PDCD1LG2: variants seen among roughly 807,000 people sequenced by gnomAD.
The protein encoded by PDCD1LG2 is B7 dendritic cell molecule.
Under a neutral mutation model 28.2 loss-of-function variants are expected in PDCD1LG2, and 32 were observed. The ratio of observed to expected loss-of-function variants is 1.13; its 90% CI spans 0.86 to 1.52. PDCD1LG2 has a LOEUF of 1.52. Ranked by LOEUF, PDCD1LG2 falls within the 40% of genes most tolerant of loss-of-function variation. The pLI is 0.00. For synonymous variants in PDCD1LG2, 116 were observed against 120.2 expected (o/e 0.97, Z 0.23); for missense variants, 385 against 323.8 (o/e 1.19, Z -1.45).
chr9:5,515,846 C>A (rs904807414), intron 1 of PDCD1LG2, among the ~76,000 whole-genome samples: 10 of 133,716 alleles, frequency 7.5e-5, no homozygotes, highest in African/African-American at 2.8e-4. Flanking sequence ...TCACTTGAAC[C>A]CGGGAGGCGG....
chr9:5,528,298 A>T lies in PDCD1LG2; in HGVS notation c.55+5697A>T, dbSNP rs1820417551. On this transcript the variant is annotated intron_variant, in intron 2 of 6. Coordinates refer to ENST00000397747, the MANE Select transcript of PDCD1LG2 (RefSeq NM_025239.4). ...ATTTTATATATATATACACACACAC[A>T]CACATATTTTTTTCTTTTTTTGAGA... Among the ~76,000 whole-genome samples the T allele has an allele frequency of 4.7e-5, 7 of 148,796 alleles. 1 individual carries two copies. The South Asian group carries it at 1.5e-3, about 31-fold the overall frequency.
intron 2 of PDCD1LG2, among the ~76,000 whole-genome samples, chr9:5,524,860 C>T (rs1246550520): frequency 6.6e-6 from 1 of 152,020 alleles, no homozygotes; most frequent in Non-Finnish European, 1.5e-5. Context: ...AATCAGACTG[C>T]AACACTCAGT....
intron 2 of PDCD1LG2, among the ~76,000 whole-genome samples, chr9:5,523,079 G>C (rs1820307768): frequency 2.0e-5 from 3 of 152,178 alleles, no homozygotes; most frequent in Admixed American, 1.3e-4. Context: ...AGCAACAATA[G>C]CAGCCGTTGG....
rs1820551681 is a variant in PDCD1LG2 at position 5,534,932 on chromosome 9, C to T, written c.243C>T (p.Pro81=). ...CCACTTTGCTGGAGGAGCAGCTGCC[C>T]CTAGGGAAGGCCTCGTTCCACATAC... ...ERATLLEEQL[P]LGKASFHIPQ... The change falls in exon 3 of 7, where the codon CCC becomes CCT. Residue 81 remains proline (P), a synonymous_variant. Coordinates refer to ENST00000397747, the MANE Select transcript of PDCD1LG2 (RefSeq NM_025239.4). 2 of 1,614,074 alleles carry T rather than the reference C, an allele frequency of 1.2e-6. No homozygotes were observed. The highest frequency in any genetic ancestry group is 1.7e-6 in the Non-Finnish European group (2 of 1,180,002).
intron 3 of PDCD1LG2, among the ~76,000 whole-genome samples, chr9:5,541,208 T>C (rs776654520): frequency 1.3e-5 from 2 of 152,146 alleles, no homozygotes; most frequent in Admixed American, 1.3e-4. Context: ...AGAAGGAACA[T>C]ATCTTAAGGT....
At chr9:5,519,899 C>G (rs931674304) in intron 1 of PDCD1LG2, among the ~76,000 whole-genome samples, 4 of 152,174 alleles carry the variant, frequency 2.6e-5, no homozygotes, top group African/African-American at 9.7e-5. Flanking sequence ...TCTAGCCTGT[C>G]AGCAGTTCCC....
chr9:5,522,612 A>G lies in PDCD1LG2; in HGVS notation c.55+11A>G, dbSNP rs1820296978. 2 of 1,612,622 alleles carry G rather than the reference A, an allele frequency of 1.2e-6. No individual in the cohort carries two copies. The highest frequency in any genetic ancestry group is 1.7e-4 in the Middle Eastern group (1 of 6,056). On this transcript the variant is annotated intron_variant, in intron 2 of 6. Transcript: ENST00000397747. ...TTCACCAGATAGCAGGTAAGAAAGGACAAAGGGAGAGGCTTAAGAAAGAAG... is the reference window on the plus strand; with the variant it reads ...TTCACCAGATAGCAGGTAAGAAAGGGCAAAGGGAGAGGCTTAAGAAAGAAG...
intron 4 of PDCD1LG2, among the ~76,000 whole-genome samples, chr9:5,554,024 G>A (rs929449395): frequency 7.2e-5 from 11 of 151,886 alleles, no homozygotes; most frequent in African/African-American, 2.4e-4. Context: ...CCTCTCTCTG[G>A]GGCAGCTCAG....
rs745559558 is a variant in PDCD1LG2, at chr9:5,522,584, A to G, written c.38A>G (p.Gln13Arg). The change falls in exon 2 of 7, where the codon CAG becomes CGG. Residue 13 changes from glutamine to arginine, a missense_variant. Physicochemically the swap from Gln to Arg is conservative, Grantham distance 43. Coordinates refer to ENST00000397747, the MANE Select transcript of PDCD1LG2 (RefSeq NM_025239.4). ...CTGCTAATGTTGAGCCTGGAATTGCAGCTTCACCAGATAGCAGGTAAGAAA... is the reference window on the plus strand; with the variant it reads ...CTGCTAATGTTGAGCCTGGAATTGCGGCTTCACCAGATAGCAGGTAAGAAA... ...FLLLMLSLEL[Q>R]LHQIAALFTV... 8 of 1,613,654 alleles carry G rather than the reference A, an allele frequency of 5.0e-6. No homozygotes were observed. The highest frequency in any genetic ancestry group is 4.5e-5 in the East Asian group (2 of 44,878).
intron 4 of PDCD1LG2, among the ~76,000 whole-genome samples, chr9:5,552,915 G>C (rs923317024): frequency 6.6e-6 from 1 of 152,170 alleles, no homozygotes; most frequent in Non-Finnish European, 1.5e-5. Flanking sequence ...TAGAAGGAAA[G>C]AGAGGAGTCA....
rs966978377 is a variant in PDCD1LG2 at position 5,558,478 on chromosome 9, G to A, written c.766+726G>A. Among the ~76,000 whole-genome samples the A allele has an allele frequency of 7.9e-5, 12 of 152,162 alleles. No homozygotes were observed. In the East Asian group the frequency reaches 2.1e-3, roughly 27 times the overall value. ...CCCAGAATGTATGCAGGCCTAGCTGGTGCTTTCCTAAACGGCTCCCTTGTC... is the reference window on the plus strand; with the variant it reads ...CCCAGAATGTATGCAGGCCTAGCTGATGCTTTCCTAAACGGCTCCCTTGTC... On this transcript the variant is annotated intron_variant, in intron 5 of 6. Coordinates refer to ENST00000397747, the MANE Select transcript of PDCD1LG2 (RefSeq NM_025239.4).
intron 3 of PDCD1LG2, among the ~76,000 whole-genome samples, chr9:5,547,928 C>T (rs1816245645): frequency 7.9e-6 from 1 of 125,988 alleles, no homozygotes; most frequent in South Asian, 2.3e-4. Context: ...ACGAGCGAAA[C>T]TCTGTCTCAA....
chr9:5,522,739 C>CAA, intron 2 of PDCD1LG2, 138 bp downstream of exon 2: 5 of 629,236 alleles, frequency 7.9e-6, no homozygotes, highest in Admixed American at 3.2e-5. Flanking sequence ...TTCCAAGCAC[C>CAA]ACAAAAAAAA....
chr9:5,563,167 A>T lies in PDCD1LG2; in HGVS notation c.772A>T (p.Thr258Ser). 1 of 1,611,544 alleles carries T rather than the reference A, an allele frequency of 6.2e-7. No homozygotes were observed. Among genetic ancestry groups the T allele is most frequent in the East Asian group, 2.2e-5 (1 of 44,844 alleles). Residue 258 changes from threonine to serine, a missense_variant, in exon 6 of 7, where the codon ACA becomes TCA. Thr to Ser is a moderately conservative substitution (Grantham distance 58, BLOSUM62 1). Transcript: ENST00000397747. ...CQKLYSSKDT[T>S]KRPVTTTKRE... ...CTGGAATTTTTCCTTTTCAGACACA[A>T]CAAAAAGACCTGTCACCACAACAAA...
intron 5 of PDCD1LG2, among the ~76,000 whole-genome samples, chr9:5,562,897 C>A (rs577915761): frequency 2.6e-5 from 4 of 152,162 alleles, no homozygotes; most frequent in Non-Finnish European, 5.9e-5. Flanking sequence ...ATTGAATACC[C>A]AAATTAGTCC....
At chr9:5,538,273 A>C (rs1214360079) in intron 3 of PDCD1LG2, among the ~76,000 whole-genome samples, 6 of 152,116 alleles carry the variant, frequency 3.9e-5, no homozygotes, top group African/African-American at 1.4e-4. Flanking sequence ...TTATTCCAGC[A>C]TGTTTCATAC....
rs1391146218 is a variant in PDCD1LG2, at chr9:5,571,136, C to A, written c.*1177C>A. 1.3e-5 allele frequency: 3 copies of A among 232,558 alleles called. No homozygotes were observed. Among genetic ancestry groups the A allele is most frequent in the Non-Finnish European group, 2.5e-5 (3 of 117,722 alleles). The allele number at this position is 232,558 out of a possible 1,614,324, so 14.4% of individuals were successfully genotyped here. ...CTCCTTAACTGAGCAAAATTTGGGGCTTATGAGAATGAAAGGGTGTGAAAT... is the reference window on the plus strand; with the variant it reads ...CTCCTTAACTGAGCAAAATTTGGGGATTATGAGAATGAAAGGGTGTGAAAT... On this transcript the variant is annotated 3_prime_UTR_variant, in exon 7 of 7. Transcript: ENST00000397747.
chr9:5,526,032 G>A (rs1205298435), intron 2 of PDCD1LG2, among the ~76,000 whole-genome samples: 2 of 139,766 alleles, frequency 1.4e-5, no homozygotes, highest in Non-Finnish European at 3.1e-5. Context: ...GGGCGACAGA[G>A]TGAGACTCCG....
rs138396313 is a variant in PDCD1LG2 at position 5,519,626 on chromosome 9, A to G, written c.-14-2907A>G. Among the ~76,000 whole-genome samples, 197 of 152,298 alleles carry G rather than the reference A, an allele frequency of 1.3e-3. 1 individual carries two copies. The highest frequency in any genetic ancestry group is 4.4e-3 in the African/African-American group (184 of 41,550). Reference sequence around the variant, plus strand: ...TGTAGGTGATGTAATGCAGATATCCATGACTTTAAATCTTTAACACTTCTG... The same window carrying G: ...TGTAGGTGATGTAATGCAGATATCCGTGACTTTAAATCTTTAACACTTCTG... On this transcript the variant is annotated intron_variant, in intron 1 of 6. Coordinates refer to ENST00000397747, the MANE Select transcript of PDCD1LG2 (RefSeq NM_025239.4).
Sources: gnomAD v4.1 joint callset for allele counts (sites outside exome capture counted in the v4.1 genomes callset) on GRCh38, gnomAD v4.1.1 for gene constraint, MANE v1.5 for transcripts, NCBI Gene and HGNC (gene_info 2026-07-23, HGNC 2026-07-21) for gene names.